Variants in EFCAB6 observed in about 807,000 individuals in gnomAD.
EFCAB6 encodes the protein EF-hand calcium binding domain 6.
Under a neutral mutation model 169.8 loss-of-function variants are expected in EFCAB6, and 156 were observed. That is an observed-to-expected ratio of 0.92 (90% CI 0.81 to 1.05). The LOEUF (loss-of-function observed/expected upper bound fraction) is 1.05. EFCAB6 is among the 50% of genes least tolerant of loss of function. The pLI, the probability that EFCAB6 is intolerant of heterozygous loss-of-function variation, is 0.00. For missense variants in EFCAB6, 1,800 were observed against 1,829.1 expected, an observed-to-expected ratio of 0.98 and a Z score of 0.29; for synonymous variants, 698 against 676.4, an observed-to-expected ratio of 1.03 and a Z score of -0.50.
rs1368626356 is a variant in EFCAB6, at chr22:43,600,245, T to C, written c.2700A>G (p.Lys900=). 1 of 1,613,268 alleles carries C rather than the reference T, an allele frequency of 6.2e-7. No individual in the cohort carries two copies. The highest frequency in any genetic ancestry group is 8.5e-7 in the Non-Finnish European group (1 of 1,179,738). The change falls in exon 23 of 32, where the codon AAA becomes AAG. Residue 900 remains lysine, a synonymous_variant. Coordinates refer to ENST00000262726, the MANE Select transcript of EFCAB6 (RefSeq NM_022785.4). ...KLWARYDTEG[K]GHITYQEFLQ... ...AAAATTCCTGGTAAGTAATGTGCCC[T>C]TTTCCCTCGGTGTCGTATCTTAAAA...
At chr22:43,533,040 C>A in intron 30 of EFCAB6, among the ~76,000 whole-genome samples, 1 of 152,242 alleles carries the variant, frequency 6.6e-6, no homozygotes, top group East Asian at 1.9e-4. Flanking sequence ...CTGGAGCTGA[C>A]GCCATGATGG....
intron 26 of EFCAB6, among the ~76,000 whole-genome samples, chr22:43,573,256 G>C (rs1442908267): frequency 6.6e-6 from 1 of 152,156 alleles, no homozygotes; most frequent in Non-Finnish European, 1.5e-5. Flanking sequence ...GGTGAGTCAA[G>C]TGATCTCTGT....
intron 10 of EFCAB6, among the ~76,000 whole-genome samples, chr22:43,701,820 A>C (rs957152054): frequency 6.6e-6 from 1 of 152,122 alleles, no homozygotes; most frequent in Non-Finnish European, 1.5e-5. Flanking sequence ...GACATTCAGA[A>C]GAAGATGCAT....
intron 2 of EFCAB6, among the ~76,000 whole-genome samples, chr22:43,792,290 G>C (rs2062324971): frequency 6.6e-6 from 1 of 152,178 alleles, no homozygotes; most frequent in East Asian, 1.9e-4. Context: ...CTGTGGTTGT[G>C]TGTTTTTCTC....
chr22:43,788,343 T>C (rs2062154721), intron 2 of EFCAB6, among the ~76,000 whole-genome samples: 1 of 152,132 alleles, frequency 6.6e-6, no homozygotes, highest in Non-Finnish European at 1.5e-5. Flanking sequence ...CTGATAAGGA[T>C]TTAGTATGCA....
intron 2 of EFCAB6, among the ~76,000 whole-genome samples, chr22:43,794,085 C>T (rs2062410029): frequency 6.6e-6 from 1 of 151,934 alleles, no homozygotes; most frequent in Non-Finnish European, 1.5e-5. Context: ...TGGGGCCCAG[C>T]CATCTGTATT....
intron 8 of EFCAB6, among the ~76,000 whole-genome samples, chr22:43,726,483 T>G (rs150794426): frequency 6.6e-6 from 1 of 152,316 alleles, no homozygotes; most frequent in East Asian, 1.9e-4. Context: ...AAACTGAAGC[T>G]GGCACTTGGA....
intron 17 of EFCAB6, among the ~76,000 whole-genome samples, chr22:43,666,691 GTTTTTTTTTTT>G (rs137764): frequency 5.1e-5 from 4 of 77,866 alleles, no homozygotes; most frequent in Non-Finnish European, 6.9e-5. Flanking sequence ...CTGCCAGATT[GTTTTTTTTTTT>G]TTTTTTTTTT....
At chr22:43,550,948 G>C (rs1387555363) in intron 27 of EFCAB6, among the ~76,000 whole-genome samples, 1 of 152,070 alleles carries the variant, frequency 6.6e-6, no homozygotes, top group African/African-American at 2.4e-5. Context: ...TGCACCAAAG[G>C]GTTTCAAAAG....
intron 22 of EFCAB6, among the ~76,000 whole-genome samples, chr22:43,605,597 T>G (rs1336926128): frequency 6.8e-6 from 1 of 146,836 alleles, no homozygotes; most frequent in Non-Finnish European, 1.5e-5. Context: ...GAGCTGAGAA[T>G]CGTGCCACTG....
intron 5 of EFCAB6, chr22:43,759,935 T>A (rs2061095206): frequency 6.6e-6 from 1 of 152,238 alleles, no homozygotes; most frequent in Admixed American, 6.5e-5. Flanking sequence ...CCGGGTGTGG[T>A]GGCTCACGCC....
Position 43,534,753 on chromosome 22 carries a change from G to A in EFCAB6, c.4168C>T (p.Leu1390Phe). The A allele has an allele frequency of 1.2e-6, 2 of 1,613,858 alleles. No homozygotes were observed. Among genetic ancestry groups the A allele is most frequent in the South Asian group, 2.2e-5 (2 of 90,978 alleles). The part of the protein sequence containing the change: ...AYCDFIQSCV[L>F]LLKAKESSLM... ...GAGCTTTCCTTTGCTTTTAGCAGGA[G>A]GACACAGCTCTGAATGAAGTCACAG... is the stretch of plus-strand genomic sequence containing the variant. Residue 1390 changes from leucine to phenylalanine, a missense_variant, in exon 30 of 32, where the codon CTC becomes TTC. Transcript: ENST00000262726.
rs751339577 is a variant in EFCAB6 at position 43,678,059 on chromosome 22, G to T, written c.1356C>A (p.Asp452Glu). ...SEFKELMQML[D>E]PGDTGVVNTS... ...TGTTGACCACTCCAGTGTCCCCAGG[G>T]TCAAGCATTTGCATTAGTTCTTTGA... Residue 452 changes from aspartate (D) to glutamate (E), a missense_variant, in exon 13 of 32, where the codon GAC (aspartate) becomes GAA (glutamate). Coordinates refer to ENST00000262726, the MANE Select transcript of EFCAB6 (RefSeq NM_022785.4). The T allele has an allele frequency of 8.7e-6, 14 of 1,613,906 alleles. No homozygotes were observed. The highest frequency in any genetic ancestry group is 1.2e-5 in the Non-Finnish European group (14 of 1,180,014).
At chr22:43,608,632 T>C (rs767863032) in intron 21 of EFCAB6, 32 bp from the exon 22 acceptor site, 3 of 1,598,428 alleles carry the variant, frequency 1.9e-6, no homozygotes, top group Non-Finnish European at 1.7e-6. Context: ...TTTAGGAACA[T>C]GTGAAATGTG....
chr22:43,774,288 T>C (rs1158232494), intron 3 of EFCAB6, among the ~76,000 whole-genome samples: 1 of 151,002 alleles, frequency 6.6e-6, no homozygotes, highest in Non-Finnish European at 1.5e-5. Context: ...GAGGGCAGGC[T>C]AGGATTTCCT....
intron 25 of EFCAB6, among the ~76,000 whole-genome samples, chr22:43,578,840 G>GTC (rs1569189134): frequency 4.7e-5 from 3 of 63,586 alleles, no homozygotes; most frequent in Admixed American, 1.4e-4. Flanking sequence ...GCATCATTCC[G>GTC]TACATGCAGG....
At position 43,708,429 on chromosome 22, in the gene EFCAB6, A is replaced by C. The variant is rs1483712967; in HGVS notation, c.1031+3046T>G. ...AAGGAAAACTTAGCCAATACCAAAC[A>C]AGAAAGACGAGGAATAAAGAAAAAA... On this transcript the variant is annotated intron_variant, in intron 10 of 31. Transcript: ENST00000262726. Among the ~76,000 whole-genome samples, 5 of 152,096 alleles carry C rather than the reference A, an allele frequency of 3.3e-5. No individual in the cohort carries two copies. In the South Asian group the frequency reaches 8.3e-4, roughly 25 times the overall value.
rs7292660 is a variant in EFCAB6 at position 43,632,085 on chromosome 22, G to A, written c.2232+20C>T. On this transcript the variant is annotated intron_variant, in intron 19 of 31. Transcript: ENST00000262726. ...CAGGGGAGGCCTAGAGAAGCCCAGC[G>A]CCAGACAGTCACGGTTTACCCGGAA... The A allele has an allele frequency of 6.2e-3, 9,916 of 1,612,302 alleles. 533 individuals are homozygous for A. The African/African-American group carries it at 0.12, about 19-fold the overall frequency.
chr22:43,691,665 A>G (rs1004399773), intron 10 of EFCAB6, among the ~76,000 whole-genome samples: 1 of 152,216 alleles, frequency 6.6e-6, no homozygotes, highest in Non-Finnish European at 1.5e-5. Flanking sequence ...AGATTAATAA[A>G]ATTATAAATA....
Sources: gnomAD v4.1 joint callset for allele counts (sites outside exome capture counted in the v4.1 genomes callset) on GRCh38, gnomAD v4.1.1 for gene constraint, MANE v1.5 for transcripts, NCBI Gene and HGNC (gene_info 2026-07-23, HGNC 2026-07-21) for gene names.